Variants in ARID3C observed in about 807,000 individuals in gnomAD.
The protein encoded by ARID3C is AT-rich interactive domain-containing protein 3C.
Under a neutral mutation model 37.9 loss-of-function variants are expected in ARID3C, and 42 were observed. That is an observed-to-expected ratio of 1.11 (90% CI 0.87 to 1.43). The LOEUF (loss-of-function observed/expected upper bound fraction) is 1.43. Among genes scored for constraint, ARID3C ranks in the 40% most tolerant of loss-of-function variants. The pLI is 0.00. For synonymous variants in ARID3C, 213 were observed against 228.0 expected, an observed-to-expected ratio of 0.93 and a Z score of 0.59; for missense variants, 581 against 548.8, an observed-to-expected ratio of 1.06 and a Z score of -0.59.
At chr9:34,632,070 C>T (rs74816409), upstream of ARID3C, among the ~76,000 whole-genome samples, 1,025 of 152,344 alleles carry the variant, frequency 6.7e-3, 11 homozygotes, top group Non-Finnish European at 9.1e-3. Context: ...TGTGAAAGTA[C>T]ATAATTAAGT....
At chr9:34,625,913 G>A in intron 1 of ARID3C, 99 bp from the exon 3 acceptor site, 2 of 1,308,852 alleles carry the variant, frequency 1.5e-6, no homozygotes. Context: ...CCTAGCTGAA[G>A]GAGTCAGTAG....
chr9:34,632,319 G>T (rs1820729610), upstream of ARID3C, among the ~76,000 whole-genome samples: 1 of 152,206 alleles, frequency 6.6e-6, no homozygotes, highest in Non-Finnish European at 1.5e-5. Flanking sequence ...TTTGCTTGAT[G>T]TGTTGGAAGA....
At chr9:34,623,337 C>T in intron 4 of ARID3C, 88 bp downstream of exon 5, 1 of 1,418,082 alleles carries the variant, frequency 7.1e-7, no homozygotes, top group Non-Finnish European at 9.3e-7. Flanking sequence ...CTCCCCAGAC[C>T]TCAATCCTCA....
chr9:34,632,271 C>T (rs1587221224), upstream of ARID3C, among the ~76,000 whole-genome samples: 4 of 152,230 alleles, frequency 2.6e-5, no homozygotes, highest in South Asian at 6.2e-4. Flanking sequence ...ACGAGCACTA[C>T]GGTCAGAATA....
intron 4 of ARID3C, 102 bp from the exon 6 acceptor site, chr9:34,622,631 C>CCAAT: frequency 8.4e-7 from 1 of 1,196,604 alleles, no homozygotes; most frequent in Non-Finnish European, 1.2e-6. Context: ...AGCTCATGTA[C>CCAAT]CAATCTCTCA....
upstream of ARID3C, among the ~76,000 whole-genome samples, chr9:34,628,638 T>C (rs1820691138): frequency 6.6e-6 from 1 of 150,980 alleles, no homozygotes; most frequent in South Asian, 2.1e-4. The surrounding 1 kb of genome is among the most constrained non-coding windows in gnomAD (Gnocchi z 5.2). Context: ...GAGGCGGAGA[T>C]AGACAAATAG....
chr9:34,622,308 T>C, intron 5 of ARID3C, 39 bp downstream of exon 6: 1 of 1,579,822 alleles, frequency 6.3e-7, no homozygotes. Context: ...TCCCTCAGTG[T>C]ACAGTCCCGA....
rs762145592 is a variant in ARID3C at position 34,625,733 on chromosome 9, G to T, written c.391+9C>A. 5.6e-6 allele frequency: 9 copies of T among 1,613,534 alleles called. No individual in the cohort carries two copies. The highest frequency in any genetic ancestry group is 7.6e-6 in the Non-Finnish European group (9 of 1,179,802). ...TTCCAGGGCCCTTCCCCCACATCAT[G>T]CCACTCACCCCTCTTTTGCATGAAG... On this transcript the variant is annotated intron_variant, in intron 2 of 6. Coordinates refer to ENST00000378909, the Ensembl canonical transcript of ARID3C.
exon 1 of ARID3C, chr9:34,627,747 G>T (rs763825596): frequency 6.2e-7 from 1 of 1,614,124 alleles, no homozygotes; most frequent in South Asian, 1.1e-5. Flanking sequence ...AGTCCAGGGG[G>T]CTGGCTAGAA....
exon 2 of ARID3C, chr9:34,625,744 C>T: frequency 1.2e-6 from 2 of 1,614,032 alleles, no homozygotes; most frequent in South Asian, 1.1e-5. Flanking sequence ...CCACTCACCC[C>T]TCTTTTGCAT....
At chr9:34,626,069 G>T (rs1820650745) in intron 1 of ARID3C, among the ~76,000 whole-genome samples, 1 of 152,232 alleles carries the variant, frequency 6.6e-6, no homozygotes, top group African/African-American at 2.4e-5. Flanking sequence ...AGTAAGGGAA[G>T]AGAGGAACAG....
At chr9:34,628,648 G>A (rs543134343), upstream of ARID3C, among the ~76,000 whole-genome samples, 1 of 152,290 alleles carries the variant, frequency 6.6e-6, no homozygotes, top group Non-Finnish European at 1.5e-5. This position sits in a 1 kb window ranked among gnomAD's most constrained non-coding sequence, Gnocchi z 5.2. Flanking sequence ...TAGACAAATA[G>A]ACAGGGGTTG....
intron 1 of ARID3C, among the ~76,000 whole-genome samples, chr9:34,626,999 G>T (rs1564091857): frequency 6.6e-6 from 1 of 152,150 alleles, no homozygotes. Flanking sequence ...GTTCTCCAGG[G>T]AGAAAGAACC....
chr9:34,628,355 G>A (rs1246056305), upstream of ARID3C, among the ~76,000 whole-genome samples: 1 of 152,174 alleles, frequency 6.6e-6, no homozygotes, highest in Non-Finnish European at 1.5e-5. The surrounding 1 kb of genome is among the most constrained non-coding windows in gnomAD (Gnocchi z 5.2). Context: ...AAGAAAAGGA[G>A]AAGGGGGATG....
chr9:34,624,175 A>G, intron 2 of ARID3C, 128 bp from the exon 4 acceptor site: 12 of 1,138,582 alleles, frequency 1.1e-5, no homozygotes, highest in Admixed American at 3.0e-5. Flanking sequence ...GAGCCCACAG[A>G]ACCCCAGGGT....
At chr9:34,632,936 A>G (rs1820735303), upstream of ARID3C, among the ~76,000 whole-genome samples, 1 of 152,164 alleles carries the variant, frequency 6.6e-6, no homozygotes. Context: ...AAAAATTTAG[A>G]AGTCAAGATA....
At chr9:34,626,516 C>T (rs750657169) in intron 1 of ARID3C, among the ~76,000 whole-genome samples, 4 of 152,146 alleles carry the variant, frequency 2.6e-5, no homozygotes, top group Non-Finnish European at 5.9e-5. Context: ...GTCCCACCTC[C>T]TGCATCAACT....
chr9:34,624,050 G>C lies in ARID3C; in HGVS notation c.392-3C>G, dbSNP rs1443850463. ...GGGCACGCGGTTCACTGGCGTCCCTGGTGGGGAGCGGGCTGCCGTCAGGAC... is the reference window on the plus strand; with the variant it reads ...GGGCACGCGGTTCACTGGCGTCCCTCGTGGGGAGCGGGCTGCCGTCAGGAC... On this transcript the variant is annotated splice_region_variant and splice_polypyrimidine_tract_variant and intron_variant, in intron 2 of 6. Coordinates refer to ENST00000378909, the Ensembl canonical transcript of ARID3C. 6.3e-7 allele frequency: 1 copy of C among 1,578,232 alleles called. No homozygotes were observed. The highest frequency in any genetic ancestry group is 8.6e-7 in the Non-Finnish European group (1 of 1,164,670).
chr9:34,623,886 C>T (rs757346189), exon 3 of ARID3C: 3 of 1,599,038 alleles, frequency 1.9e-6, no homozygotes, highest in South Asian at 2.2e-5. Flanking sequence ...GTGAAGGCGG[C>T]CGAGGTGATG....
Sources: allele counts gnomAD v4.1 joint callset (sites outside exome capture counted in the v4.1 genomes callset), GRCh38; gene constraint gnomAD v4.1.1; non-coding constraint Gnocchi (gnomAD v3.1); transcripts MANE v1.5; gene names NCBI Gene and HGNC (gene_info 2026-07-23, HGNC 2026-07-21).